SLC30A9: variants seen among roughly 807,000 people sequenced by gnomAD.
SLC30A9 encodes the protein proton-coupled zinc antiporter SLC30A9, mitochondrial.
In SLC30A9, 58 loss-of-function variants were observed where a neutral mutation model predicts 87.5. The ratio of observed to expected loss-of-function variants is 0.66; its 90% CI spans 0.54 to 0.82. The LOEUF (loss-of-function observed/expected upper bound fraction) is 0.82, where lower values mean the gene tolerates loss of function less well. Among genes scored for constraint, SLC30A9 ranks in the 40% least tolerant of loss-of-function variants. SLC30A9 has a pLI of 0.00. For missense variants in SLC30A9, 557 were observed against 679.1 expected, an observed-to-expected ratio of 0.82 and a Z score of 2.00; for synonymous variants, 234 against 233.0, an observed-to-expected ratio of 1.00 and a Z score of -0.04.
intron 9 of SLC30A9, among the ~76,000 whole-genome samples, chr4:42,054,496 T>TA (rs980500735): frequency 3.3e-5 from 5 of 151,056 alleles, no homozygotes; most frequent in Admixed American, 3.3e-4. Context: ...AGTATTGATT[T>TA]TTTTTTTTTT....
intron 6 of SLC30A9, among the ~76,000 whole-genome samples, chr4:42,024,229 T>C (rs1206001333): frequency 6.6e-6 from 1 of 152,178 alleles, no homozygotes; most frequent in African/African-American, 2.4e-5. Flanking sequence ...CACATGTCTA[T>C]AGTCCCAGCT....
At chr4:41,999,796 A>G (rs2153132734) in intron 1 of SLC30A9, among the ~76,000 whole-genome samples, 1 of 152,292 alleles carries the variant, frequency 6.6e-6, no homozygotes, top group South Asian at 2.1e-4. Flanking sequence ...AAAAATTGTA[A>G]CATTTGTAAC....
intron 1 of SLC30A9, among the ~76,000 whole-genome samples, chr4:41,999,669 T>TA (rs2153132716): frequency 6.7e-6 from 1 of 150,228 alleles, no homozygotes; most frequent in South Asian, 2.1e-4. Flanking sequence ...TTTTTCAACA[T>TA]AAAAATTGCA....
intron 2 of SLC30A9, among the ~76,000 whole-genome samples, chr4:42,002,602 T>A (rs1442738190): frequency 6.6e-6 from 1 of 152,128 alleles, no homozygotes; most frequent in Admixed American, 6.6e-5. Context: ...GCAAAGGACA[T>A]AATTCATTCC....
At chr4:42,004,531 C>T (rs1345381546) in intron 2 of SLC30A9, among the ~76,000 whole-genome samples, 1 of 152,090 alleles carries the variant, frequency 6.6e-6, no homozygotes. Flanking sequence ...CCTTTCTGGC[C>T]TGCATTCTGT....
chr4:42,069,726 A>G (rs1167680327), intron 14 of SLC30A9, among the ~76,000 whole-genome samples: 4 of 152,240 alleles, frequency 2.6e-5, no homozygotes, highest in Non-Finnish European at 5.9e-5. Flanking sequence ...TTATATAAAT[A>G]TTACCTATAC....
At chr4:42,082,669 G>A (rs767497004) in intron 17 of SLC30A9, among the ~76,000 whole-genome samples, 2 of 152,156 alleles carry the variant, frequency 1.3e-5, no homozygotes, top group South Asian at 4.1e-4. Flanking sequence ...CCAATATGGT[G>A]AAACCCCATC....
intron 1 of SLC30A9, among the ~76,000 whole-genome samples, chr4:42,000,194 A>T (rs1182460736): frequency 1.3e-5 from 2 of 151,824 alleles, no homozygotes; most frequent in Admixed American, 1.3e-4. Context: ...CTCTTTAAAC[A>T]TCTTAGCACA....
intron 2 of SLC30A9, among the ~76,000 whole-genome samples, chr4:42,003,215 T>G (rs114205849): frequency 6.6e-6 from 1 of 152,190 alleles, no homozygotes; most frequent in African/African-American, 2.4e-5. Context: ...TCTTGAAATT[T>G]GTTGAGTGTA....
intron 12 of SLC30A9, among the ~76,000 whole-genome samples, chr4:42,065,725 G>C (rs1233291713): frequency 6.6e-6 from 1 of 152,154 alleles, no homozygotes; most frequent in African/African-American, 2.4e-5. Flanking sequence ...TAAACTATGT[G>C]GTGGTAAGAG....
intron 2 of SLC30A9, among the ~76,000 whole-genome samples, chr4:42,007,428 A>G (rs999831249): frequency 1.3e-5 from 2 of 152,174 alleles, no homozygotes; most frequent in African/African-American, 4.8e-5. Context: ...TATCCAGTGA[A>G]TCTACTAGTC....
chr4:42,059,925 C>A (rs1717775353), intron 9 of SLC30A9, among the ~76,000 whole-genome samples: 1 of 151,996 alleles, frequency 6.6e-6, no homozygotes, highest in Non-Finnish European at 1.5e-5. Flanking sequence ...TATGGTTTAT[C>A]ATTTATTTTG....
chr4:42,022,579 A>G (rs1716018086), intron 4 of SLC30A9, among the ~76,000 whole-genome samples: 1 of 152,128 alleles, frequency 6.6e-6, no homozygotes, highest in African/African-American at 2.4e-5. Flanking sequence ...ATACAAATAC[A>G]AGTACTGGTG....
At chr4:42,080,602 G>A (rs910308802) in intron 17 of SLC30A9, among the ~76,000 whole-genome samples, 1 of 152,170 alleles carries the variant, frequency 6.6e-6, no homozygotes, top group Non-Finnish European at 1.5e-5. Context: ...TTTGTCTCTA[G>A]CCCTTCTAGA....
intron 10 of SLC30A9, among the ~76,000 whole-genome samples, chr4:42,061,557 A>C (rs1717853704): frequency 6.6e-6 from 1 of 152,242 alleles, no homozygotes; most frequent in African/African-American, 2.4e-5. Flanking sequence ...TCCCCATGGC[A>C]GGATTACTCT....
chr4:42,069,623 T>C (rs1406027105), intron 14 of SLC30A9, among the ~76,000 whole-genome samples: 1 of 152,224 alleles, frequency 6.6e-6, no homozygotes, highest in Non-Finnish European at 1.5e-5. Context: ...AATATATTGA[T>C]GACATTTCAT....
intron 9 of SLC30A9, among the ~76,000 whole-genome samples, chr4:42,051,372 C>T (rs1717377814): frequency 6.6e-6 from 1 of 151,998 alleles, no homozygotes; most frequent in African/African-American, 2.4e-5. Context: ...GTTTAGCATC[C>T]AATAAAAAAG....
At chr4:42,036,748 C>T (rs988299282) in intron 7 of SLC30A9, among the ~76,000 whole-genome samples, 1 of 152,132 alleles carries the variant, frequency 6.6e-6, no homozygotes, top group South Asian at 2.1e-4. Flanking sequence ...TTCCATTTCC[C>T]CTTTGATCAC....
intron 15 of SLC30A9, among the ~76,000 whole-genome samples, chr4:42,074,249 A>C (rs1013837927): frequency 1.3e-5 from 2 of 152,196 alleles, no homozygotes; most frequent in Non-Finnish European, 1.5e-5. Context: ...TGGATAAAAA[A>C]TTTTGGACTC....
Sources: allele counts gnomAD v4.1 joint callset (sites outside exome capture counted in the v4.1 genomes callset), GRCh38; gene constraint gnomAD v4.1.1; transcripts MANE v1.5; gene names NCBI Gene and HGNC (gene_info 2026-07-23, HGNC 2026-07-21).